Variants in C1orf21 observed in about 807,000 individuals in gnomAD.
C1orf21 encodes uncharacterized protein C1orf21.
C1orf21 carries 3 observed loss-of-function variants against 18.7 expected under a neutral mutation model. The observed-to-expected ratio is 0.16, with a 90% CI of 0.07 to 0.42. The LOEUF (loss-of-function observed/expected upper bound fraction) is 0.42, where lower values mean the gene tolerates loss of function less well. Ranked by LOEUF, C1orf21 falls within the 10% of genes least tolerant of loss-of-function variation. The pLI, the probability that C1orf21 is intolerant of heterozygous loss-of-function variation, is 0.99. For missense variants in C1orf21, 104 were observed against 143.6 expected (o/e 0.72, Z 1.41); for synonymous variants, 41 against 46.4 (o/e 0.88, Z 0.47).
intron 1 of C1orf21, among the ~76,000 whole-genome samples, chr1:184,397,959 AG>A (rs1656088415): frequency 1.3e-5 from 2 of 152,194 alleles, no homozygotes; most frequent in African/African-American, 4.8e-5. Flanking sequence ...GTGTCATTAA[AG>A]GTTTGTAGTA....
At chr1:184,405,228 C>T (rs887429864) in intron 1 of C1orf21, among the ~76,000 whole-genome samples, 9 of 151,732 alleles carry the variant, frequency 5.9e-5, no homozygotes, top group African/African-American at 2.2e-4. Flanking sequence ...CAGGGTCTTG[C>T]TCTGTTGCCC....
chr1:184,570,256 G>A (rs547013740), intron 3 of C1orf21, among the ~76,000 whole-genome samples: 36 of 152,094 alleles, frequency 2.4e-4, no homozygotes, highest in African/African-American at 7.2e-4. Context: ...GCAAGTTTGC[G>A]CGTATATCCT....
chr1:184,537,101 A>G (rs1365669053), intron 3 of C1orf21, among the ~76,000 whole-genome samples: 3 of 152,086 alleles, frequency 2.0e-5, no homozygotes, highest in Non-Finnish European at 4.4e-5. Context: ...TGAATTAGAT[A>G]CAGCTGCATG....
intron 3 of C1orf21, among the ~76,000 whole-genome samples, chr1:184,575,846 C>T (rs1365308531): frequency 6.6e-6 from 1 of 152,024 alleles, no homozygotes; most frequent in South Asian, 2.1e-4. Flanking sequence ...TAAAGCTAGG[C>T]TAACCAGTGT....
At chr1:184,390,083 A>C (rs537350808) in intron 1 of C1orf21, among the ~76,000 whole-genome samples, 1 of 152,332 alleles carries the variant, frequency 6.6e-6, no homozygotes, top group African/African-American at 2.4e-5. Flanking sequence ...ATTGTAGGAT[A>C]CTGCCAGTTA....
intron 1 of C1orf21, among the ~76,000 whole-genome samples, chr1:184,442,323 TCTA>T (rs1656960181): frequency 6.6e-6 from 1 of 152,184 alleles, no homozygotes; most frequent in South Asian, 2.1e-4. Context: ...AAGTTCTGAT[TCTA>T]CTAGTAAAAT....
chr1:184,494,896 G>A (rs1184651824), intron 2 of C1orf21, among the ~76,000 whole-genome samples: 1 of 151,366 alleles, frequency 6.6e-6, no homozygotes, highest in African/African-American at 2.4e-5. Context: ...TGCTAGCTGG[G>A]ATAAAAAGAA....
intron 3 of C1orf21, among the ~76,000 whole-genome samples, chr1:184,535,411 A>G (rs568186300): frequency 1.3e-5 from 2 of 152,320 alleles, no homozygotes; most frequent in Admixed American, 1.3e-4. Flanking sequence ...CTTGTTTTCC[A>G]CAAACTGTAC....
intron 3 of C1orf21, among the ~76,000 whole-genome samples, chr1:184,533,050 C>A (rs1658491102): frequency 1.3e-5 from 2 of 152,078 alleles, no homozygotes; most frequent in African/African-American, 4.8e-5. Context: ...TCATGTCATT[C>A]CCCAGTATAA....
intron 2 of C1orf21, among the ~76,000 whole-genome samples, chr1:184,481,599 C>CTCTG (rs1186074584): frequency 6.6e-6 from 1 of 152,198 alleles, no homozygotes; most frequent in Non-Finnish European, 1.5e-5. Context: ...TCATTGCTCT[C>CTCTG]TCTGTGCCTC....
At chr1:184,448,793 TGA>T (rs1657071999) in intron 1 of C1orf21, among the ~76,000 whole-genome samples, 1 of 152,094 alleles carries the variant, frequency 6.6e-6, no homozygotes. Context: ...GCAGGGGCAG[TGA>T]GAGAGTTTTC....
chr1:184,403,614 A>G (rs12070409), intron 1 of C1orf21, among the ~76,000 whole-genome samples: 24,114 of 152,224 alleles, frequency 0.16, 1,993 homozygotes, highest in African/African-American at 0.2. Context: ...TGATTATTTC[A>G]TAACAAAAGA....
intron 1 of C1orf21, among the ~76,000 whole-genome samples, chr1:184,415,212 C>G (rs1656430100): frequency 6.6e-6 from 1 of 152,166 alleles, no homozygotes; most frequent in Non-Finnish European, 1.5e-5. Flanking sequence ...GTTTAAAGAA[C>G]ACTAACCAGG....
At chr1:184,567,613 G>A (rs1659052572) in intron 3 of C1orf21, 1 of 446,472 alleles carries the variant, frequency 2.2e-6, no homozygotes, top group Non-Finnish European at 4.5e-6. Flanking sequence ...GGTGGGGCAG[G>A]CAGTGGAGGA....
intron 2 of C1orf21, among the ~76,000 whole-genome samples, chr1:184,478,401 AT>A (rs539994999): frequency 2.6e-5 from 4 of 152,020 alleles, no homozygotes; most frequent in African/African-American, 4.8e-5. Context: ...CTGCAAATAC[AT>A]TTTTTTTGCC....
At chr1:184,407,027 G>T (rs1433466940) in intron 1 of C1orf21, among the ~76,000 whole-genome samples, 1 of 152,076 alleles carries the variant, frequency 6.6e-6, no homozygotes. Flanking sequence ...GAATACAGTG[G>T]CTCAATCATA....
intron 3 of C1orf21, among the ~76,000 whole-genome samples, chr1:184,553,573 G>T (rs1176259782): frequency 6.6e-6 from 1 of 152,230 alleles, no homozygotes; most frequent in African/African-American, 2.4e-5. Flanking sequence ...GTTTGTTGGA[G>T]TTCAGGTTTT....
At chr1:184,618,406 G>A (rs1659864615) in intron 5 of C1orf21, among the ~76,000 whole-genome samples, 1 of 152,042 alleles carries the variant, frequency 6.6e-6, no homozygotes, top group Non-Finnish European at 1.5e-5. Context: ...ATTTTACCAG[G>A]ATCCCAGAGC....
chr1:184,592,694 A>G (rs1356820541), intron 4 of C1orf21, among the ~76,000 whole-genome samples: 2 of 104,796 alleles, frequency 1.9e-5, no homozygotes, highest in Non-Finnish European at 4.3e-5. Context: ...AATCATAAGC[A>G]GAAGAAGGTA....
Sources: gnomAD v4.1 joint callset for allele counts (sites outside exome capture counted in the v4.1 genomes callset) on GRCh38, gnomAD v4.1.1 for gene constraint, MANE v1.5 for transcripts, NCBI Gene and HGNC (gene_info 2026-07-23, HGNC 2026-07-21) for gene names.